Variants in CCDC170 observed in about 807,000 individuals in gnomAD.
The protein encoded by CCDC170 is coiled-coil domain containing 170.
CCDC170 carries 69 observed loss-of-function variants against 72.6 expected under a neutral mutation model. The ratio of observed to expected loss-of-function variants is 0.95; its 90% CI spans 0.78 to 1.16. CCDC170 has a LOEUF of 1.16. CCDC170 is among the 50% of genes most tolerant of loss of function. CCDC170 has a pLI of 0.00. For synonymous variants in CCDC170, 300 were observed against 303.9 expected (o/e 0.99, Z 0.13); for missense variants, 852 against 832.5 (o/e 1.02, Z -0.29).
At chr6:151,590,978 TAG>T (rs1315908142) in intron 7 of CCDC170, among the ~76,000 whole-genome samples, 3 of 152,234 alleles carry the variant, frequency 2.0e-5, no homozygotes, top group Non-Finnish European at 4.4e-5. Flanking sequence ...CCTGAGGATG[TAG>T]AGACAAAAGC....
chr6:151,589,337 A>G (rs756189219), intron 7 of CCDC170, among the ~76,000 whole-genome samples: 1 of 152,136 alleles, frequency 6.6e-6, no homozygotes, highest in Non-Finnish European at 1.5e-5. Context: ...ATGGTAATGT[A>G]AATTGGAAGC....
intron 3 of CCDC170, among the ~76,000 whole-genome samples, chr6:151,540,187 G>A (rs1445055153): frequency 6.6e-6 from 1 of 151,988 alleles, no homozygotes; most frequent in Non-Finnish European, 1.5e-5. Context: ...TGTGGAGGCT[G>A]GGAAGGCCAA....
rs55906416 is a variant in CCDC170, at chr6:151,619,002, G to GAAAAAAAA, written c.*875_*882dup. 4.9e-5 allele frequency: 3 copies of GAAAAAAAA among 61,132 alleles called. No individual in the cohort carries two copies. Among genetic ancestry groups the GAAAAAAAA allele is most frequent in the Non-Finnish European group, 5.5e-5 (2 of 36,454 alleles). The allele number at this position is 61,132 out of a possible 1,614,324, so 3.8% of individuals were successfully genotyped here. ...GGCGACAGAGTGAAACTACATCTCA[G>GAAAAAAAA]AAAAAAAAAAAAAAAAAAAAAAAAA... On this transcript the variant is annotated 3_prime_UTR_variant, in exon 11 of 11. Coordinates refer to ENST00000239374, the MANE Select transcript of CCDC170 (RefSeq NM_025059.4).
At chr6:151,510,736 T>G (rs572181806) in intron 1 of CCDC170, among the ~76,000 whole-genome samples, 1 of 151,008 alleles carries the variant, frequency 6.6e-6, no homozygotes, top group South Asian at 2.1e-4. Flanking sequence ...AGTAAGTTTT[T>G]TTTCTTCTTC....
chr6:151,570,253 C>A (rs116928060), intron 5 of CCDC170, among the ~76,000 whole-genome samples: 5,346 of 152,116 alleles, frequency 0.035, 127 homozygotes, highest in Non-Finnish European at 0.057. Flanking sequence ...ATATAATATT[C>A]CATATGGTTT....
chr6:151,564,834 C>G (rs986453866), intron 5 of CCDC170, among the ~76,000 whole-genome samples: 13 of 152,160 alleles, frequency 8.5e-5, no homozygotes, highest in Non-Finnish European at 1.5e-5. Flanking sequence ...GTCCTCAGAC[C>G]CCCTGGTGGT....
chr6:151,565,345 T>A (rs1776118134), intron 5 of CCDC170, among the ~76,000 whole-genome samples: 1 of 152,154 alleles, frequency 6.6e-6, no homozygotes, highest in Non-Finnish European at 1.5e-5. Flanking sequence ...TGCAGACAGC[T>A]CCCTATGTTG....
intron 7 of CCDC170, among the ~76,000 whole-genome samples, chr6:151,591,658 C>G (rs1776537197): frequency 6.6e-6 from 1 of 152,002 alleles, no homozygotes; most frequent in African/African-American, 2.4e-5. Context: ...CCACGCCCAG[C>G]TAATTTTTTT....
At chr6:151,514,590 G>A (rs1051886162) in intron 1 of CCDC170, among the ~76,000 whole-genome samples, 1 of 152,174 alleles carries the variant, frequency 6.6e-6, no homozygotes, top group South Asian at 2.1e-4. Flanking sequence ...TGTGACTGGA[G>A]GTCAGGCTAG....
At position 151,554,140 on chromosome 6, in the gene CCDC170, A is replaced by G. The variant is rs550197280; in HGVS notation, c.774+5651A>G. On this transcript the variant is annotated intron_variant, in intron 5 of 10. Transcript: ENST00000239374. ...CATATTGAAGTATGTCTTAAAAACTACCAAAAGTTGGTACTTGGTACTTTT... is the reference window on the plus strand; with the variant it reads ...CATATTGAAGTATGTCTTAAAAACTGCCAAAAGTTGGTACTTGGTACTTTT... 2.0e-5 allele frequency among the ~76,000 whole-genome samples: 3 copies of G among 152,350 alleles called. No individual in the cohort carries two copies. The East Asian group carries it at 5.8e-4, about 29-fold the overall frequency.
At chr6:151,615,853 T>G in intron 10 of CCDC170, 174 bp downstream of exon 10, 4 of 599,576 alleles carry the variant, frequency 6.7e-6, no homozygotes, top group Non-Finnish European at 1.2e-5. Flanking sequence ...GTTCCAATGT[T>G]AACACATGTG....
intron 10 of CCDC170, among the ~76,000 whole-genome samples, chr6:151,617,608 A>G (rs1181025342): frequency 1.3e-5 from 2 of 152,024 alleles, no homozygotes; most frequent in Non-Finnish European, 2.9e-5. Context: ...CCTTCGACGT[A>G]GGTGTATGGT....
At chr6:151,569,942 T>C (rs1224944876) in intron 5 of CCDC170, among the ~76,000 whole-genome samples, 1 of 152,210 alleles carries the variant, frequency 6.6e-6, no homozygotes, top group East Asian at 1.9e-4. Flanking sequence ...CACCATTGTA[T>C]TCTATGAACA....
chr6:151,548,285 G>A lies in CCDC170; in HGVS notation c.589-19G>A, dbSNP rs1169104752. 5 of 1,523,450 alleles carry A rather than the reference G, an allele frequency of 3.3e-6. No individual in the cohort carries two copies. Among genetic ancestry groups the A allele is most frequent in the South Asian group, 1.3e-5 (1 of 75,696 alleles). The allele number at this position is 1,523,450 out of a possible 1,614,324, so 94.4% of individuals were successfully genotyped here. Reference sequence around the variant, plus strand: ...AATTGTTAATTTTTATAGGACAGCTGTAATTGCTTTCTCTTCAGCTTAGAG... The same window carrying A: ...AATTGTTAATTTTTATAGGACAGCTATAATTGCTTTCTCTTCAGCTTAGAG... On this transcript the variant is annotated intron_variant, in intron 4 of 10. Transcript: ENST00000239374.
chr6:151,514,171 C>T lies in CCDC170; in HGVS notation c.57+19986C>T, dbSNP rs544665393. Among the ~76,000 whole-genome samples, 18 of 151,134 alleles carry T rather than the reference C, an allele frequency of 1.2e-4. No individual in the cohort carries two copies. In the South Asian group the frequency reaches 3.4e-3, roughly 28 times the overall value. On this transcript the variant is annotated intron_variant, in intron 1 of 10. Coordinates refer to ENST00000239374, the MANE Select transcript of CCDC170 (RefSeq NM_025059.4). ...CAAAAATTAGCTGGGCGTGGTGGCACGTGCTTGTAGTCCCAGCTACCTGGG... is the reference window on the plus strand; with the variant it reads ...CAAAAATTAGCTGGGCGTGGTGGCATGTGCTTGTAGTCCCAGCTACCTGGG...
intron 5 of CCDC170, among the ~76,000 whole-genome samples, chr6:151,553,821 C>T (rs1782925863): frequency 1.3e-5 from 2 of 152,086 alleles, no homozygotes; most frequent in African/African-American, 4.8e-5. Flanking sequence ...AGATTTACTA[C>T]TTAAAAATAC....
intron 1 of CCDC170, among the ~76,000 whole-genome samples, chr6:151,518,961 G>T (rs541287021): frequency 1.3e-5 from 2 of 152,316 alleles, no homozygotes; most frequent in African/African-American, 4.8e-5. Context: ...GCAAAGCAAA[G>T]ATCACAAGGC....
chr6:151,567,292 G>C (rs1776151547), intron 5 of CCDC170, among the ~76,000 whole-genome samples: 1 of 152,176 alleles, frequency 6.6e-6, no homozygotes, highest in Non-Finnish European at 1.5e-5. Flanking sequence ...GGTTTGTTGA[G>C]AATAGATTTT....
intron 1 of CCDC170, among the ~76,000 whole-genome samples, chr6:151,533,531 G>T (rs928371426): frequency 7.9e-5 from 12 of 151,930 alleles, no homozygotes; most frequent in Non-Finnish European, 1.8e-4. Context: ...GCAGGGCGTG[G>T]TGGCACATGC....
Sources: allele counts gnomAD v4.1 joint callset (sites outside exome capture counted in the v4.1 genomes callset), GRCh38; gene constraint gnomAD v4.1.1; transcripts MANE v1.5; gene names NCBI Gene and HGNC (gene_info 2026-07-23, HGNC 2026-07-21).